Variants in ENY2 observed in about 807,000 individuals in gnomAD.
ENY2 encodes transcription and mRNA export factor ENY2.
A neutral mutation model predicts 15.9 loss-of-function variants in ENY2; 4 were observed. The ratio of observed to expected loss-of-function variants is 0.25; its 90% confidence interval spans 0.12 to 0.57. The LOEUF (loss-of-function observed/expected upper bound fraction) is 0.57, where lower values mean the gene tolerates loss of function less well. Among genes scored for constraint, ENY2 ranks in the 20% least tolerant of loss-of-function variants. ENY2 has a pLI of 0.91. For synonymous variants in ENY2, 48 were observed against 38.0 expected, an observed-to-expected ratio of 1.26 and a Z score of -0.97; for missense variants, 54 against 117.2, an observed-to-expected ratio of 0.46 and a Z score of 2.49.
intron 3 of ENY2, chr8:109,339,751 A>G (rs1816074009): frequency 1.7e-5 from 3 of 178,830 alleles, no homozygotes; most frequent in Non-Finnish European, 3.5e-5. Context: ...TGAAAAATTC[A>G]TCTATGAAAG....
intron 4 of ENY2, among the ~76,000 whole-genome samples, chr8:109,342,039 G>T (rs1012452785): frequency 6.6e-6 from 1 of 152,032 alleles, no homozygotes; most frequent in African/African-American, 2.4e-5. Context: ...TAAACAGTTT[G>T]TAAAGAAGAA....
rs1172921386 is a variant in ENY2 at position 109,340,572 on chromosome 8, T to A, written c.229+9T>A. 1.9e-6 allele frequency: 3 copies of A among 1,613,088 alleles called. No homozygotes were observed. Among genetic ancestry groups the A allele is most frequent in the Non-Finnish European group, 1.7e-6 (2 of 1,179,392 alleles). On this transcript the variant is annotated intron_variant, in intron 4 of 4. Transcript: ENST00000521688. Reference sequence around the variant, plus strand: ...CACTCCAAAAGGCAGAGGTAAGGAATACAGAGTTTGTTAAAGGAAACATGC... The same window carrying A: ...CACTCCAAAAGGCAGAGGTAAGGAAAACAGAGTTTGTTAAAGGAAACATGC...
Position 109,345,469 on chromosome 8 carries a change from G to A in ENY2, c.*1988G>A, listed in dbSNP as rs1466397687. 1.3e-5 allele frequency: 2 copies of A among 152,124 alleles called. No homozygotes were observed. Among genetic ancestry groups the A allele is most frequent in the African/African-American group, 2.4e-5 (1 of 41,432 alleles). 9.4% of individuals were successfully genotyped at this position (152,124 alleles called of 1,614,324 possible). On this transcript the variant is annotated 3_prime_UTR_variant, in exon 5 of 5. Coordinates refer to ENST00000521688, the MANE Select transcript of ENY2 (RefSeq NM_020189.6). ...CTTTGAACCAGCTGGGCTTAATTAT[G>A]TAAAGTTTTGAGCCTGAGATAAGCA...
chr8:109,343,356 G>A lies in ENY2; in HGVS notation c.230-49G>A, dbSNP rs189866034. On this transcript the variant is annotated intron_variant, in intron 4 of 4. Transcript: ENST00000521688. ...AAAATGTCAGATCTTAAATTCTCAT[G>A]TATTAATTGGTACCTTCTTACTCTT... 2,333 of 1,415,034 alleles carry A rather than the reference G, an allele frequency of 1.6e-3. 8 individuals carry two copies. Among genetic ancestry groups the A allele is most frequent in the Middle Eastern group, 6.7e-3 (36 of 5,392 alleles). 87.7% of individuals were successfully genotyped at this position (1,415,034 alleles called of 1,614,324 possible).
intron 1 of ENY2, 92 bp downstream of exon 1, chr8:109,334,566 G>T (rs190550298): frequency 6.8e-7 from 1 of 1,465,424 alleles, no homozygotes; most frequent in Non-Finnish European, 9.1e-7. Flanking sequence ...CCCGACCCGC[G>T]CTCGCGGGCC....
At position 109,343,472 on chromosome 8, in the gene ENY2, C is replaced by T; in HGVS notation, c.297C>T (p.Ala99=). The T allele has an allele frequency of 6.2e-7, 1 of 1,612,244 alleles. No individual in the cohort carries two copies. The highest frequency in any genetic ancestry group is 8.5e-7 in the Non-Finnish European group (1 of 1,179,198). ...TAAGAACATTCCTTGCTCAGCATGC[C>T]AGCCTTTAAGATTGAATTAGATTGT... ...QRIRTFLAQH[A]SL The change falls in exon 5 of 5, where the codon GCC becomes GCT. Residue 99 remains alanine (A), a synonymous_variant. Transcript: ENST00000521688.
chr8:109,339,949 T>G (rs2130193198), intron 3 of ENY2, among the ~76,000 whole-genome samples: 1 of 152,286 alleles, frequency 6.6e-6, no homozygotes, highest in South Asian at 2.1e-4. Flanking sequence ...CAAATAAAAA[T>G]AAACTATATG....
At chr8:109,342,115 T>C (rs184192235) in intron 4 of ENY2, among the ~76,000 whole-genome samples, 1 of 151,964 alleles carries the variant, frequency 6.6e-6, no homozygotes, top group East Asian at 1.9e-4. Context: ...AAGTTTTCCA[T>C]TTCCCCAGAA....
intron 3 of ENY2, 62 bp from the exon 4 acceptor site, chr8:109,340,427 G>A (rs1271453772): frequency 1.3e-6 from 2 of 1,595,812 alleles, no homozygotes; most frequent in Non-Finnish European, 1.7e-6. Context: ...CTTCCTCTAT[G>A]AAAATCTTTC....
chr8:109,343,591 T>G lies in ENY2; in HGVS notation c.*110T>G. ...CCTTTTTTGTATGATGGTATACAGT[T>G]TTCAGTAATGATGTATACATTGTAT... is the stretch of plus-strand genomic sequence containing the variant. On this transcript the variant is annotated 3_prime_UTR_variant, in exon 5 of 5. Transcript: ENST00000521688. 1 of 879,958 alleles carries G rather than the reference T, an allele frequency of 1.1e-6. No homozygotes were observed. The highest frequency in any genetic ancestry group is 1.8e-5 in the South Asian group (1 of 54,410). 54.5% of individuals were successfully genotyped at this position (879,958 alleles called of 1,614,324 possible). A position where few individuals can be genotyped will look rare whatever the true frequency, so the allele number is the denominator to read the frequency against.
intron 1 of ENY2, 166 bp downstream of exon 1, chr8:109,334,640 C>G: frequency 2.8e-6 from 2 of 721,366 alleles, no homozygotes; most frequent in African/African-American, 1.8e-5. Flanking sequence ...GCTTTGTTTT[C>G]TGGCTCCTCC....
At chr8:109,342,160 C>T (rs912732939) in intron 4 of ENY2, among the ~76,000 whole-genome samples, 2 of 149,720 alleles carry the variant, frequency 1.3e-5, no homozygotes, top group Non-Finnish European at 3.0e-5. Flanking sequence ...TAGTTAACCC[C>T]CCCCTTTTTT....
rs1816191819 is a variant in ENY2 at position 109,344,505 on chromosome 8, A to G, written c.*1024A>G. On this transcript the variant is annotated 3_prime_UTR_variant, in exon 5 of 5. Coordinates refer to ENST00000521688, the MANE Select transcript of ENY2 (RefSeq NM_020189.6). ...CTCCACACCCAGACACCCAACTGCT[A>G]TGGATCAACTTTTTAGAATATCCTC... is the stretch of plus-strand genomic sequence containing the variant. The G allele has an allele frequency of 1.3e-5, 2 of 152,448 alleles. No individual in the cohort carries two copies. Among genetic ancestry groups the G allele is most frequent in the South Asian group, 2.1e-4 (1 of 4,832 alleles). The allele number at this position is 152,448 out of a possible 1,614,324, so 9.4% of individuals were successfully genotyped here. A position where few individuals can be genotyped will look rare whatever the true frequency, so the allele number is the denominator to read the frequency against.
Position 109,344,954 on chromosome 8 carries a change from A to G in ENY2, c.*1473A>G, listed in dbSNP as rs1816205545. Reference sequence around the variant, plus strand: ...TTGGAATTTCTCAATGTAGAATGAAACTCATTCAGCATTAACACATAGGCC... The same window carrying G: ...TTGGAATTTCTCAATGTAGAATGAAGCTCATTCAGCATTAACACATAGGCC... On this transcript the variant is annotated 3_prime_UTR_variant, in exon 5 of 5. Coordinates refer to ENST00000521688, the MANE Select transcript of ENY2 (RefSeq NM_020189.6). The G allele has an allele frequency of 6.6e-6, 1 of 152,096 alleles. No individual in the cohort carries two copies. Among genetic ancestry groups the G allele is most frequent in the South Asian group, 2.1e-4 (1 of 4,836 alleles). The allele number at this position is 152,096 out of a possible 1,614,324, so 9.4% of individuals were successfully genotyped here. A position where few individuals can be genotyped will look rare whatever the true frequency, so the allele number is the denominator to read the frequency against.
intron 4 of ENY2, 200 bp downstream of exon 4, chr8:109,340,763 C>A: frequency 1.7e-6 from 1 of 575,754 alleles, no homozygotes; most frequent in Non-Finnish European, 3.0e-6. Context: ...TGTTCTTGTA[C>A]TCTAGAACAG....
At position 109,345,212 on chromosome 8, in the gene ENY2, CAG is replaced by C. The variant is rs1333188225; in HGVS notation, c.*1732_*1733del. On this transcript the variant is annotated 3_prime_UTR_variant, in exon 5 of 5. Coordinates refer to ENST00000521688, the MANE Select transcript of ENY2 (RefSeq NM_020189.6). Reference sequence around the variant, plus strand: ...AGCTATGCATAATTCCTCTTCAACACAGTAGTTCTTGAAATTTTGCAGGCCTC... The same window carrying C: ...AGCTATGCATAATTCCTCTTCAACACTAGTTCTTGAAATTTTGCAGGCCTC... 11 of 152,080 alleles carry C rather than the reference CAG, an allele frequency of 7.2e-5. No individual in the cohort carries two copies. The highest frequency in any genetic ancestry group is 2.4e-4 in the African/African-American group (10 of 41,402). 9.4% of individuals were successfully genotyped at this position (152,080 alleles called of 1,614,324 possible).
intron 2 of ENY2, chr8:109,338,988 G>A: frequency 4.3e-6 from 1 of 235,186 alleles, no homozygotes; most frequent in East Asian, 9.3e-5. Flanking sequence ...CTTTCTAGAT[G>A]TTGTACAAGA....
intron 4 of ENY2, chr8:109,340,776 C>A: frequency 2.0e-6 from 1 of 504,894 alleles, no homozygotes; most frequent in Non-Finnish European, 3.5e-6. Flanking sequence ...TAGAACAGTG[C>A]ACCAATGCAA....
chr8:109,343,636 T>G lies in ENY2; in HGVS notation c.*155T>G. 1 of 550,086 alleles carries G rather than the reference T, an allele frequency of 1.8e-6. No homozygotes were observed. The highest frequency in any genetic ancestry group is 3.3e-5 in the South Asian group (1 of 30,308). The allele number at this position is 550,086 out of a possible 1,614,324, so 34.1% of individuals were successfully genotyped here. Reference sequence around the variant, plus strand: ...TTGTATTGATTTTTTTCCCTAAATGTGTTATTTTAATAAATATCTCATGAA... The same window carrying G: ...TTGTATTGATTTTTTTCCCTAAATGGGTTATTTTAATAAATATCTCATGAA... On this transcript the variant is annotated 3_prime_UTR_variant, in exon 5 of 5. Transcript: ENST00000521688.
Sources: gnomAD v4.1 joint callset for allele counts (sites outside exome capture counted in the v4.1 genomes callset) on GRCh38, gnomAD v4.1.1 for gene constraint, MANE v1.5 for transcripts, NCBI Gene and HGNC (gene_info 2026-07-23, HGNC 2026-07-21) for gene names.